The following CDH7 variants were observed in gnomAD, a reference collection of about 807,000 sequenced individuals.
The protein encoded by CDH7 is cadherin 7.
Under a neutral mutation model 71.8 loss-of-function variants are expected in CDH7, and 25 were observed. That is an observed-to-expected ratio of 0.35 (90% CI 0.25 to 0.49). The LOEUF (loss-of-function observed/expected upper bound fraction) is 0.49, where lower values mean the gene tolerates loss of function less well. Ranked by LOEUF, CDH7 falls within the 20% of genes least tolerant of loss-of-function variation. CDH7 has a pLI of 0.99. For missense variants in CDH7, 862 were observed against 974.6 expected, an observed-to-expected ratio of 0.88 and a Z score of 1.54; for synonymous variants, 381 against 363.8, an observed-to-expected ratio of 1.05 and a Z score of -0.54.
chr18:65,802,767 T>C (rs4580293), intron 2 of CDH7, among the ~76,000 whole-genome samples: 91,827 of 151,964 alleles, frequency 0.6, 29,407 homozygotes, highest in East Asian at 0.97. Context: ...GTGGATCTGG[T>C]CTGGAGACAG....
intron 2 of CDH7, among the ~76,000 whole-genome samples, chr18:65,763,960 A>G (rs986744106): frequency 1.3e-5 from 2 of 152,058 alleles, no homozygotes; most frequent in Non-Finnish European, 2.9e-5. Flanking sequence ...TCAATTTGGT[A>G]CTGAGTCCTG....
intron 7 of CDH7, among the ~76,000 whole-genome samples, chr18:65,854,753 T>C (rs1913288147): frequency 6.6e-6 from 1 of 152,146 alleles, no homozygotes; most frequent in African/African-American, 2.4e-5. Context: ...TAATATTGGC[T>C]TAATTGATGC....
chr18:65,838,256 A>T (rs753247141), intron 6 of CDH7, among the ~76,000 whole-genome samples: 1 of 152,140 alleles, frequency 6.6e-6, no homozygotes, highest in Non-Finnish European at 1.5e-5. Context: ...GTTATAAATG[A>T]GGGTTATTTT....
At chr18:65,796,822 ATCCCAGTT>A (rs1348740104) in intron 2 of CDH7, among the ~76,000 whole-genome samples, 43 of 152,164 alleles carry the variant, frequency 2.8e-4, no homozygotes, top group African/African-American at 9.4e-4. Context: ...TTCATCTTGA[ATCCCAGTT>A]CTATGGACTA....
chr18:65,793,197 T>C (rs1327194479), intron 2 of CDH7, among the ~76,000 whole-genome samples: 2 of 152,070 alleles, frequency 1.3e-5, no homozygotes, highest in East Asian at 1.9e-4. Flanking sequence ...CTCAGCACTT[T>C]GGGAGGCTGA....
At chr18:65,802,982 A>G (rs1911180328) in intron 2 of CDH7, 1 of 152,218 alleles carries the variant, frequency 6.6e-6, no homozygotes, top group African/African-American at 2.4e-5. Flanking sequence ...TAAGGAATGC[A>G]GATAATTATA....
intron 2 of CDH7, chr18:65,803,713 G>A (rs1427645944): frequency 6.6e-6 from 1 of 151,838 alleles, no homozygotes; most frequent in Non-Finnish European, 1.5e-5. Flanking sequence ...TTTTACTTCT[G>A]CCAATCATTG....
chr18:65,859,844 T>G lies in CDH7; in HGVS notation c.1612+19T>G. On this transcript the variant is annotated intron_variant, in intron 10 of 11. Coordinates refer to ENST00000397968, the MANE Select transcript of CDH7 (RefSeq NM_004361.5). The stretch of plus-strand genomic sequence containing the variant: ...AACAAAGGTAATGTATTAATATTGT[T>G]ACCGATAGAGGCAGCAGGTACAGAT... The G allele has an allele frequency of 7.3e-7, 1 of 1,361,146 alleles. No homozygotes were observed. The highest frequency in any genetic ancestry group is 1.1e-6 in the Non-Finnish European group (1 of 950,104). The allele number at this position is 1,361,146 out of a possible 1,614,324, so 84.3% of individuals were successfully genotyped here.
In CDH7 at chr18:65,884,718, G is replaced by C. The variant is rs776348173; in HGVS notation, c.*3824G>C. The stretch of plus-strand genomic sequence containing the variant: ...TCTAAAGCAGCTTAAAATAAGCTAA[G>C]CTAAACAAACTGCAAGAAGCTAAAT... On this transcript the variant is annotated 3_prime_UTR_variant, in exon 12 of 12. Transcript: ENST00000397968. 1 of 152,138 alleles carries C rather than the reference G, an allele frequency of 6.6e-6. No individual in the cohort carries two copies. Among genetic ancestry groups the C allele is most frequent in the Non-Finnish European group, 1.5e-5 (1 of 68,018 alleles). The allele number at this position is 152,138 out of a possible 1,614,324, so 9.4% of individuals were successfully genotyped here. A position where few individuals can be genotyped will look rare whatever the true frequency, so the allele number is the denominator to read the frequency against.
chr18:65,757,489 T>C (rs2143775004), intron 1 of CDH7, among the ~76,000 whole-genome samples: 1 of 152,326 alleles, frequency 6.6e-6, no homozygotes, highest in Non-Finnish European at 1.5e-5. Context: ...CTTGTGATTT[T>C]CATGTATTTC....
intron 10 of CDH7, among the ~76,000 whole-genome samples, chr18:65,861,978 C>A (rs1008347912): frequency 5.9e-5 from 9 of 151,942 alleles, no homozygotes; most frequent in African/African-American, 2.2e-4. Context: ...ATAAATCACA[C>A]GTTATATAGA....
intron 4 of CDH7, among the ~76,000 whole-genome samples, chr18:65,820,962 T>A (rs993277887): frequency 2.0e-5 from 3 of 152,090 alleles, no homozygotes; most frequent in African/African-American, 4.8e-5. Flanking sequence ...TTTAAAAAAA[T>A]ATATAAAAAA....
At chr18:65,760,366 A>G (rs1916156273) in intron 1 of CDH7, among the ~76,000 whole-genome samples, 1 of 152,204 alleles carries the variant, frequency 6.6e-6, no homozygotes, top group South Asian at 2.1e-4. Flanking sequence ...TCCGATGCAG[A>G]CACCAACAGT....
At chr18:65,756,725 T>C (rs1332474755) in intron 1 of CDH7, among the ~76,000 whole-genome samples, 1 of 152,250 alleles carries the variant, frequency 6.6e-6, no homozygotes, top group East Asian at 1.9e-4. Context: ...ACAAACACAT[T>C]CCAGTTCAAC....
At chr18:65,786,914 C>T (rs542660100) in intron 2 of CDH7, among the ~76,000 whole-genome samples, 92 of 152,176 alleles carry the variant, frequency 6.0e-4, no homozygotes, top group African/African-American at 2.1e-3. Context: ...GTCTCGAACT[C>T]CTGGCATCAA....
intron 6 of CDH7, among the ~76,000 whole-genome samples, chr18:65,842,528 ATG>A (rs1188233260): frequency 1.3e-5 from 2 of 151,844 alleles, no homozygotes; most frequent in Non-Finnish European, 2.9e-5. Flanking sequence ...GTGTGTATAT[ATG>A]TGTTATATTT....
At chr18:65,828,883 C>T (rs1027487976) in intron 6 of CDH7, among the ~76,000 whole-genome samples, 2 of 152,136 alleles carry the variant, frequency 1.3e-5, no homozygotes, top group African/African-American at 4.8e-5. Flanking sequence ...TATCCTCAAA[C>T]ATTGTTCATA....
Position 65,805,622 on chromosome 18 carries a change from A to T in CDH7, c.211-4082A>T, listed in dbSNP as rs548035265. Among the ~76,000 whole-genome samples the T allele has an allele frequency of 3.9e-5, 6 of 152,330 alleles. No homozygotes were observed. In the South Asian group the frequency reaches 1.2e-3, roughly 32 times the overall value. Reference sequence around the variant, plus strand: ...AGATGTACTTTCCATAGGCTCTAAAATGAGCATGAACATAGCAATAGATGC... The same window carrying T: ...AGATGTACTTTCCATAGGCTCTAAATTGAGCATGAACATAGCAATAGATGC... On this transcript the variant is annotated intron_variant, in intron 2 of 11. Transcript: ENST00000397968.
At chr18:65,751,697 G>C (rs138418895) in intron 1 of CDH7, among the ~76,000 whole-genome samples, 149 of 152,256 alleles carry the variant, frequency 9.8e-4, no homozygotes, top group African/African-American at 3.4e-3. Flanking sequence ...TTTTTCCCCT[G>C]TAATTAGTAT....
Sources: gnomAD v4.1 joint callset for allele counts (sites outside exome capture counted in the v4.1 genomes callset) on GRCh38, gnomAD v4.1.1 for gene constraint, MANE v1.5 for transcripts, NCBI Gene and HGNC (gene_info 2026-07-23, HGNC 2026-07-21) for gene names.